Variants in LIFR observed in about 807,000 individuals in gnomAD.
The protein encoded by LIFR is LIF receptor subunit alpha.
In LIFR, 84 loss-of-function variants were observed where a neutral mutation model predicts 122.2. The ratio of observed to expected loss-of-function variants is 0.69; its 90% confidence interval spans 0.58 to 0.82. The LOEUF is 0.82. Ranked by LOEUF, LIFR falls within the 40% of genes least tolerant of loss-of-function variation. The pLI is 0.00. For synonymous variants in LIFR, 422 were observed against 434.7 expected (o/e 0.97, Z 0.36); for missense variants, 1,294 against 1,311.6 (o/e 0.99, Z 0.21).
At chr5:38,605,785 A>G (rs1402473820) in intron 2 of LIFR, among the ~76,000 whole-genome samples, 3 of 152,188 alleles carry the variant, frequency 2.0e-5, no homozygotes, top group Non-Finnish European at 4.4e-5. Context: ...AGAAATTCCA[A>G]AGATTGCAAC....
chr5:38,484,308 C>T (rs1424198042), intron 18 of LIFR, among the ~76,000 whole-genome samples: 2 of 152,164 alleles, frequency 1.3e-5, no homozygotes, highest in Non-Finnish European at 2.9e-5. Context: ...CACTGTGCTC[C>T]AAGTCTATAA....
intron 4 of LIFR, among the ~76,000 whole-genome samples, chr5:38,526,947 G>A (rs1162139874): frequency 6.6e-6 from 1 of 152,140 alleles, no homozygotes; most frequent in African/African-American, 2.4e-5. Context: ...ACTGAGGGAA[G>A]GAGCCTGAAT....
At position 38,523,489 on chromosome 5, in the gene LIFR, A is replaced by G. The variant is rs1746510931; in HGVS notation, c.491T>C (p.Phe164Ser). The G allele has an allele frequency of 1.2e-6, 2 of 1,613,556 alleles. No individual in the cohort carries two copies. Among genetic ancestry groups the G allele is most frequent in the African/African-American group, 2.7e-5 (2 of 74,916 alleles). Residue 164 changes from phenylalanine to serine, a missense_variant, in exon 5 of 20, where the codon TTT becomes TCT. By Grantham distance (155) the Phe-to-Ser change is radical. Coordinates refer to ENST00000453190, the MANE Select transcript of LIFR (RefSeq NM_001127671.2). ...YLKWNDRGSV[F>S]PHRSNVIWEI... ...CCAGATAACATTTGAGCGGTGTGGA[A>G]AAACTGAACCCCTGTCGTTCCACTT... is the stretch of plus-strand genomic sequence containing the variant.
intron 10 of LIFR, 143 bp downstream of exon 10, chr5:38,503,833 C>T: frequency 1.5e-6 from 1 of 667,254 alleles, no homozygotes; most frequent in South Asian, 1.9e-5. Context: ...GCTGTTATTA[C>T]ATGGATAGTA....
intron 18 of LIFR, among the ~76,000 whole-genome samples, chr5:38,484,150 C>T (rs1744148006): frequency 1.3e-5 from 2 of 152,344 alleles, no homozygotes; most frequent in South Asian, 4.1e-4. Flanking sequence ...TACCGCAGAC[C>T]AGCCGTGACG....
At chr5:38,598,146 G>A (rs893107313), upstream of LIFR, among the ~76,000 whole-genome samples, 1 of 149,710 alleles carries the variant, frequency 6.7e-6, no homozygotes, top group Non-Finnish European at 1.5e-5. Flanking sequence ...GTGACTCCAT[G>A]GCTATGACTG....
At chr5:38,541,734 A>G (rs1483148042) in intron 1 of LIFR, among the ~76,000 whole-genome samples, 1 of 152,228 alleles carries the variant, frequency 6.6e-6, no homozygotes, top group African/African-American at 2.4e-5. Flanking sequence ...AAAATAGCAA[A>G]TATACAGGGT....
At chr5:38,596,918 A>T (rs1750113105), upstream of LIFR, among the ~76,000 whole-genome samples, 1 of 152,222 alleles carries the variant, frequency 6.6e-6, no homozygotes, top group African/African-American at 2.4e-5. Flanking sequence ...GCAAGAAAAA[A>T]AAAAAATGCT....
At position 38,478,360 on chromosome 5, in the gene LIFR, T is replaced by TCTCAGTGAAGCCATTCACTGAGAAGTTG. The variant is rs1554017603; in HGVS notation, c.*3234_*3235insCAACTTCTCAGTGAATGGCTTCACTGAG. The TCTCAGTGAAGCCATTCACTGAGAAGTTG allele has an allele frequency of 1.5e-5, 3 of 205,998 alleles. No homozygotes were observed. The highest frequency in any genetic ancestry group is 6.8e-5 in the African/African-American group (3 of 43,838). The allele number at this position is 205,998 out of a possible 1,614,324, so 12.8% of individuals were successfully genotyped here. Reference sequence around the variant, plus strand: ...AAAATGAGGTTGATACTTCCTCTCTTAAGCTTCTCAGTGAATGGCTGCTTC... The same window carrying TCTCAGTGAAGCCATTCACTGAGAAGTTG: ...AAAATGAGGTTGATACTTCCTCTCTTCTCAGTGAAGCCATTCACTGAGAAGTTGAAGCTTCTCAGTGAATGGCTGCTTC... On this transcript the variant is annotated 3_prime_UTR_variant, in exon 20 of 20. Transcript: ENST00000453190.
At chr5:38,496,808 C>A (rs1034127533) in intron 12 of LIFR, among the ~76,000 whole-genome samples, 3 of 151,986 alleles carry the variant, frequency 2.0e-5, no homozygotes, top group Non-Finnish European at 4.4e-5. Flanking sequence ...GAAACCCAGT[C>A]TCTCCCAAAA....
intron 5 of LIFR, among the ~76,000 whole-genome samples, chr5:38,515,228 T>C (rs1580086083): frequency 6.6e-6 from 1 of 152,136 alleles, no homozygotes; most frequent in East Asian, 1.9e-4. Context: ...GTGATGCCTC[T>C]GGCCACAAGC....
chr5:38,549,252 TACACACACACACACACACACACACAC>T (rs58706799), intron 1 of LIFR, among the ~76,000 whole-genome samples: 2 of 147,804 alleles, frequency 1.4e-5, no homozygotes, highest in Non-Finnish European at 3.0e-5. Context: ...TAGAAAATTG[TACACACACACACACACACACACACAC>T]ACACACACAC....
In LIFR at chr5:38,479,997, T is replaced by C. The variant is rs1051104115; in HGVS notation, c.*1598A>G. Reference sequence around the variant, plus strand: ...ACACAGAGAACCTAAATAGATTTTGTCACTTGTCACTCTGGCTTTTTTCCA... The same window carrying C: ...ACACAGAGAACCTAAATAGATTTTGCCACTTGTCACTCTGGCTTTTTTCCA... On this transcript the variant is annotated 3_prime_UTR_variant, in exon 20 of 20. Transcript: ENST00000453190. 3 of 224,120 alleles carry C rather than the reference T, an allele frequency of 1.3e-5. No homozygotes were observed. The highest frequency in any genetic ancestry group is 6.7e-5 in the African/African-American group (3 of 44,790). The allele number at this position is 224,120 out of a possible 1,614,324, so 13.9% of individuals were successfully genotyped here. A position where few individuals can be genotyped will look rare whatever the true frequency, so the allele number is the denominator to read the frequency against.
At chr5:38,513,327 C>T (rs1001336118) in intron 5 of LIFR, among the ~76,000 whole-genome samples, 1 of 152,164 alleles carries the variant, frequency 6.6e-6, no homozygotes, top group African/African-American at 2.4e-5. Context: ...TGCCAAAGGG[C>T]TCAGTGAGTG....
upstream of LIFR, among the ~76,000 whole-genome samples, chr5:38,560,404 G>T (rs998078948): frequency 6.6e-6 from 1 of 152,064 alleles, no homozygotes; most frequent in Non-Finnish European, 1.5e-5. Context: ...ACCCAAAGTG[G>T]TTTGGAATGC....
chr5:38,510,726 G>C lies in LIFR; in HGVS notation c.737-8C>G. ...TCTGAGAATCAGGTATCCCTAGAAA[G>C]AAAAAGAGGAATTATAAACATTTTA... On this transcript the variant is annotated splice_polypyrimidine_tract_variant and splice_region_variant and intron_variant, in intron 6 of 19. Coordinates refer to ENST00000453190, the MANE Select transcript of LIFR (RefSeq NM_001127671.2). The C allele has an allele frequency of 6.2e-7, 1 of 1,601,726 alleles. No individual in the cohort carries two copies. Among genetic ancestry groups the C allele is most frequent in the Admixed American group, 1.7e-5 (1 of 59,374 alleles).
Position 38,528,773 on chromosome 5 carries a change from G to A in LIFR, c.210C>T (p.Pro70=). The change falls in exon 3 of 20, where the codon CCC becomes CCT. Residue 70 remains proline (P), a synonymous_variant. Coordinates refer to ENST00000453190, the MANE Select transcript of LIFR (RefSeq NM_001127671.2). The part of the protein sequence containing the change: ...LQVWNCSWKA[P]SGTGRGTDYE... The stretch of plus-strand genomic sequence containing the variant: ...AATCAGTACCACGGCCTGTTCCAGA[G>A]GGTGCTTTCCAAGAACAGTTCCACA... 1.3e-6 allele frequency: 2 copies of A among 1,599,064 alleles called. No homozygotes were observed. The highest frequency in any genetic ancestry group is 1.7e-6 in the Non-Finnish European group (2 of 1,171,546).
chr5:38,531,435 A>G (rs1232936144), intron 1 of LIFR, among the ~76,000 whole-genome samples: 2 of 152,152 alleles, frequency 1.3e-5, no homozygotes, highest in Admixed American at 6.5e-5. Context: ...AGGAAAATAA[A>G]AAGTACTTCC....
chr5:38,493,143 A>G (rs1744688129), intron 14 of LIFR, among the ~76,000 whole-genome samples: 1 of 151,214 alleles, frequency 6.6e-6, no homozygotes, highest in Non-Finnish European at 1.5e-5. Context: ...TCTCTCCCTA[A>G]CCTTGGTAAC....
Sources: gnomAD v4.1 joint callset for allele counts (sites outside exome capture counted in the v4.1 genomes callset) on GRCh38, gnomAD v4.1.1 for gene constraint, MANE v1.5 for transcripts, NCBI Gene and HGNC (gene_info 2026-07-23, HGNC 2026-07-21) for gene names.